Variants in HSF4 observed in about 807,000 individuals in gnomAD.
HSF4 encodes heat shock factor protein 4.
A neutral mutation model predicts 52.0 loss-of-function variants in HSF4; 41 were observed. The ratio of observed to expected loss-of-function variants is 0.79; its 90% CI spans 0.61 to 1.02. The LOEUF is 1.02. Among genes scored for constraint, HSF4 ranks in the 50% least tolerant of loss-of-function variants. The pLI, the probability that HSF4 is intolerant of heterozygous loss-of-function variation, is 0.00. For synonymous variants in HSF4, 285 were observed against 273.0 expected (o/e 1.04, Z -0.43); for missense variants, 610 against 651.1 (o/e 0.94, Z 0.69).
upstream of HSF4, chr16:67,164,742 A>T: frequency 6.6e-7 from 1 of 1,512,256 alleles, no homozygotes; most frequent in Non-Finnish European, 8.8e-7. Context: ...CGGCAAACGC[A>T]GCACTTTCCG....
At chr16:67,166,526 A>G in intron 5 of HSF4, 32 bp from the exon 6 acceptor site, 1 of 1,613,064 alleles carries the variant, frequency 6.2e-7, no homozygotes, top group Non-Finnish European at 8.5e-7. Context: ...GCTGTGTCCA[A>G]AGTATGAATT....
At position 67,167,210 on chromosome 16, in the gene HSF4, C is replaced by T. The variant is rs759801047; in HGVS notation, c.717C>T (p.Tyr239=). 16 of 1,614,096 alleles carry T rather than the reference C, an allele frequency of 9.9e-6. No homozygotes were observed. In the South Asian group the frequency reaches 1.6e-4, roughly 17 times the overall value. Reference sequence around the variant, plus strand: ...CTGGTGCCCTTCTGCAGGACCCCTACTTCATCCAGTCGGTAGGTTTGTCTT... The same window carrying T: ...CTGGTGCCCTTCTGCAGGACCCCTATTTCATCCAGTCGGTAGGTTTGTCTT... ...PLPGALLQDP[Y]FIQSPLPETN... The change falls in exon 7 of 13, where the codon TAC becomes TAT. Residue 239 remains tyrosine, a synonymous_variant. Transcript: ENST00000521374.
chr16:67,165,173 C>T lies in HSF4; in HGVS notation c.123+239C>T, dbSNP rs529802717. Reference sequence around the variant, plus strand: ...GAGGGACCTTCGAGGCCATTTAGTTCCCACCCTACCCCATCCGACAGATGG... The same window carrying T: ...GAGGGACCTTCGAGGCCATTTAGTTTCCACCCTACCCCATCCGACAGATGG... On this transcript the variant is annotated intron_variant, in intron 1 of 12. Coordinates refer to ENST00000521374, the MANE Select transcript of HSF4 (RefSeq NM_001374675.1). This position sits in a 1 kb window ranked among gnomAD's most constrained non-coding sequence, Gnocchi z 6.9. 8.4e-6 allele frequency: 5 copies of T among 595,018 alleles called. No individual in the cohort carries two copies. In the African/African-American group the frequency reaches 9.3e-5, roughly 11 times the overall value. The allele number at this position is 595,018 out of a possible 1,614,324, so 36.9% of individuals were successfully genotyped here.
rs753295824 is a variant in HSF4 at position 67,167,385 on chromosome 16, C to T, written c.730-90C>T. On this transcript the variant is annotated intron_variant, in intron 7 of 12. Coordinates refer to ENST00000521374, the MANE Select transcript of HSF4 (RefSeq NM_001374675.1). ...CTGAGCCTCCTCCCTCAAACCTTCTCCCTTAGACCTGGCCCAGGTGGGTGT... is the reference window on the plus strand; with the variant it reads ...CTGAGCCTCCTCCCTCAAACCTTCTTCCTTAGACCTGGCCCAGGTGGGTGT... The T allele has an allele frequency of 1.9e-6, 3 of 1,611,978 alleles. No individual in the cohort carries two copies. In the African/African-American group the frequency reaches 4.0e-5, roughly 22 times the overall value.
Position 67,165,953 on chromosome 16 carries a change from C to T in HSF4, c.368C>T (p.Ala123Val), listed in dbSNP as rs1248596182. 1 of 1,571,030 alleles carries T rather than the reference C, an allele frequency of 6.4e-7. No homozygotes were observed. The highest frequency in any genetic ancestry group is 8.6e-7 in the Non-Finnish European group (1 of 1,167,228). ...LLERVRRKVP[A>V]LRGDDGRWRP... is the part of the protein sequence containing the mutation. Reference sequence around the variant, plus strand: ...GGTGCCTCCCGCCTGCAGGTGCCCGCGCTGCGCGGCGACGACGGCCGCTGG... The same window carrying T: ...GGTGCCTCCCGCCTGCAGGTGCCCGTGCTGCGCGGCGACGACGGCCGCTGG... Residue 123 changes from alanine to valine, a missense_variant, in exon 4 of 13, where the codon GCG (alanine) becomes GTG (valine). Physicochemically the swap from Ala to Val is moderately conservative, Grantham distance 64. Transcript: ENST00000521374. The surrounding 1 kb of genome is among the most constrained non-coding windows in gnomAD (Gnocchi z 6.9).
In HSF4 at chr16:67,167,465, C is replaced by A; in HGVS notation, c.730-10C>A. The A allele has an allele frequency of 6.2e-7, 1 of 1,613,840 alleles. No homozygotes were observed. Among genetic ancestry groups the A allele is most frequent in the South Asian group, 1.1e-5 (1 of 91,084 alleles). On this transcript the variant is annotated splice_polypyrimidine_tract_variant and intron_variant, in intron 7 of 12. Coordinates refer to ENST00000521374, the MANE Select transcript of HSF4 (RefSeq NM_001374675.1). The stretch of plus-strand genomic sequence containing the variant: ...CAGGCCAAGGGCTGGGCCTAGCCTT[C>A]TACTTACAGCCTCTCCCAGAGACAA...
chr16:67,165,495 A>G lies in HSF4; in HGVS notation c.124-27A>G, dbSNP rs750531128. ...GCTCACCCTCCTGGTCTCCGCCCGC[A>G]CGGTGGGCGGGCGGCGTTCTTGGTA... On this transcript the variant is annotated intron_variant, in intron 1 of 12. Coordinates refer to ENST00000521374, the MANE Select transcript of HSF4 (RefSeq NM_001374675.1). This position sits in a 1 kb window ranked among gnomAD's most constrained non-coding sequence, Gnocchi z 6.9. 7 of 1,594,892 alleles carry G rather than the reference A, an allele frequency of 4.4e-6. No individual in the cohort carries two copies. Among genetic ancestry groups the G allele is most frequent in the Non-Finnish European group, 6.0e-6 (7 of 1,164,780 alleles).
At position 67,168,976 on chromosome 16, in the gene HSF4, G is replaced by C. The variant is rs756949018; in HGVS notation, c.1188+40G>C. Reference sequence around the variant, plus strand: ...TGCTGAAACAGGGGCATGAGACCTGGTGGGGTCTAGCTCTCTGTGGAGCCT... The same window carrying C: ...TGCTGAAACAGGGGCATGAGACCTGCTGGGGTCTAGCTCTCTGTGGAGCCT... On this transcript the variant is annotated intron_variant, in intron 10 of 12. Transcript: ENST00000521374. 37 of 1,612,252 alleles carry C rather than the reference G, an allele frequency of 2.3e-5. No individual in the cohort carries two copies. In the East Asian group the frequency reaches 3.3e-4, roughly 15 times the overall value.
At chr16:67,164,655 G>A, upstream of HSF4, 1 of 803,080 alleles carries the variant, frequency 1.2e-6, no homozygotes, top group African/African-American at 1.8e-5. Context: ...CTCGGCCGCT[G>A]TCCGAGCCCC....
chr16:67,168,834 G>T lies in HSF4; in HGVS notation c.1086G>T (p.Gly362=). The T allele has an allele frequency of 6.2e-7, 1 of 1,613,240 alleles. No homozygotes were observed. Among genetic ancestry groups the T allele is most frequent in the South Asian group, 1.1e-5 (1 of 91,072 alleles). Residue 362 remains glycine (G), a synonymous_variant, in exon 10 of 13, where the codon GGG becomes GGT. Coordinates refer to ENST00000521374, the MANE Select transcript of HSF4 (RefSeq NM_001374675.1). ...AAAAGCAGTTCTGTCTGCACAGGGG[G>T]CCTCTGGGCCTGGAAAGCGGGGACA... ...PGDPREIPDR[G]PLGLESGDRS...
chr16:67,164,060 T>G, upstream of HSF4: 1 of 703,866 alleles, frequency 1.4e-6, no homozygotes, highest in Non-Finnish European at 2.6e-6. Context: ...CCCCCCTCTC[T>G]TGCCTCCACC....
Position 67,169,195 on chromosome 16 carries a change from A to G in HSF4, c.1255-84A>G. The G allele has an allele frequency of 1.2e-6, 2 of 1,607,042 alleles. No homozygotes were observed. The highest frequency in any genetic ancestry group is 1.1e-5 in the South Asian group (1 of 90,744). ...CTCTGTGAGCCAAAGCCGTGTCTCTAGAAGAATTGTCACAGTGATTTCCCA... is the reference window on the plus strand; with the variant it reads ...CTCTGTGAGCCAAAGCCGTGTCTCTGGAAGAATTGTCACAGTGATTTCCCA... On this transcript the variant is annotated intron_variant, in intron 11 of 12. Transcript: ENST00000521374. The surrounding 1 kb of genome is among the most constrained non-coding windows in gnomAD (Gnocchi z 4.3).
At chr16:67,163,797 T>G (rs985088359), upstream of HSF4, 28 of 1,563,148 alleles carry the variant, frequency 1.8e-5, no homozygotes, top group Non-Finnish European at 2.4e-5. Flanking sequence ...GCCGCATCCC[T>G]GGAGGCCTAC....
chr16:67,164,674 G>A, upstream of HSF4: 1 of 1,005,956 alleles, frequency 9.9e-7, no homozygotes, highest in East Asian at 3.4e-5. Flanking sequence ...CCGCCCCGCG[G>A]GCTTGCACGT....
rs377009893 is a variant in HSF4 at position 67,166,357 on chromosome 16, C to T, written c.523C>T (p.Arg175Trp). The change falls in exon 5 of 13, where the codon CGG becomes TGG. Residue 175 changes from arginine (R) to tryptophan (W), a missense_variant. Arg to Trp is a moderately radical substitution (Grantham distance 101). Coordinates refer to ENST00000521374, the MANE Select transcript of HSF4 (RefSeq NM_001374675.1). ...CTTGTGGCGGGAGGTGGTGACACTT[C>T]GGCAGAGCCACGGTCAGCAGCACCG... ...EILWREVVTLRQSHGQQHRVI... is the reference protein window; with the variant it reads ...EILWREVVTLWQSHGQQHRVI... 1.2e-6 allele frequency: 2 copies of T among 1,608,240 alleles called. No homozygotes were observed. Among genetic ancestry groups the T allele is most frequent in the Non-Finnish European group, 1.7e-6 (2 of 1,177,486 alleles).
At chr16:67,167,385 C>A in intron 7 of HSF4, 90 bp from the exon 8 acceptor site, 1 of 1,612,094 alleles carries the variant, frequency 6.2e-7, no homozygotes. Context: ...CAAACCTTCT[C>A]CCTTAGACCT....
rs2031367804 is a variant in HSF4, at chr16:67,167,162, C to A, written c.669C>A (p.Ala223=). The change falls in exon 7 of 13, where the codon GCC becomes GCA. Residue 223 remains alanine (A), a synonymous_variant. Transcript: ENST00000521374. ...AGGGGAGCTCATGCCCAACACCTGC[C>A]AAGTTCAACACCTGCCCTCTACCTG... ...LDEGSSCPTP[A]KFNTCPLPGA... 4 of 1,614,204 alleles carry A rather than the reference C, an allele frequency of 2.5e-6. No individual in the cohort carries two copies. The East Asian group carries it at 8.9e-5, about 36-fold the overall frequency.
intron 7 of HSF4, 113 bp from the exon 8 acceptor site, chr16:67,167,362 G>A: frequency 6.2e-7 from 1 of 1,610,612 alleles, no homozygotes; most frequent in Non-Finnish European, 8.5e-7. Context: ...AGCATGGACT[G>A]AGCCTCCTCC....
rs1567668383 is a variant in HSF4 at position 67,165,702 on chromosome 16, CACGCCCCA to C, written c.233-16_233-9del. 6.2e-7 allele frequency: 1 copy of C among 1,611,888 alleles called. No individual in the cohort carries two copies. The highest frequency in any genetic ancestry group is 1.7e-5 in the Admixed American group (1 of 59,966). ...CCGGGGATGGGGCGACCCACGCCCC[CACGCCCCA>C]CTCCCCAGACGGTTTTCGGAAGGTG... On this transcript the variant is annotated splice_polypyrimidine_tract_variant and intron_variant, in intron 2 of 12. Coordinates refer to ENST00000521374, the MANE Select transcript of HSF4 (RefSeq NM_001374675.1). This position sits in a 1 kb window ranked among gnomAD's most constrained non-coding sequence, Gnocchi z 6.9.
Sources: allele counts gnomAD v4.1 joint callset, GRCh38; gene constraint gnomAD v4.1.1; non-coding constraint Gnocchi (gnomAD v3.1); transcripts MANE v1.5; gene names NCBI Gene and HGNC (gene_info 2026-07-23, HGNC 2026-07-21).